Variants in MYO5C observed in about 807,000 individuals in gnomAD.
MYO5C encodes myosin VC.
In MYO5C, 194 loss-of-function variants were observed where a neutral mutation model predicts 235.7. The ratio of observed to expected loss-of-function variants is 0.82; its 90% CI spans 0.73 to 0.93. The LOEUF (loss-of-function observed/expected upper bound fraction) is 0.93, where lower values mean the gene tolerates loss of function less well. Among genes scored for constraint, MYO5C ranks in the 40% least tolerant of loss-of-function variants. MYO5C has a pLI of 0.00. For synonymous variants in MYO5C, 707 were observed against 754.8 expected (o/e 0.94, Z 1.04); for missense variants, 2,038 against 2,127.2 (o/e 0.96, Z 0.82).
chr15:52,237,649 A>G lies in MYO5C; in HGVS notation c.2704-3T>C. 3 of 1,604,152 alleles carry G rather than the reference A, an allele frequency of 1.9e-6. No individual in the cohort carries two copies. Among genetic ancestry groups the G allele is most frequent in the Non-Finnish European group, 2.5e-6 (3 of 1,177,870 alleles). On this transcript the variant is annotated splice_polypyrimidine_tract_variant and splice_region_variant and intron_variant, in intron 21 of 40. Transcript: ENST00000261839. ...ACCAGCCCATGGTTTTCTTTGTTCT[A>G]GAGAAAAGAAAATTCAGATGTTTAG...
At chr15:52,269,129 G>C (rs536900457) in intron 8 of MYO5C, among the ~76,000 whole-genome samples, 13 of 152,332 alleles carry the variant, frequency 8.5e-5, no homozygotes, top group Admixed American at 7.8e-4. Flanking sequence ...CTTCTGAACC[G>C]AATTGGACCT....
intron 10 of MYO5C, among the ~76,000 whole-genome samples, chr15:52,257,492 G>C (rs898788323): frequency 1.3e-5 from 2 of 152,196 alleles, no homozygotes; most frequent in African/African-American, 4.8e-5. Context: ...TCAGAAAACT[G>C]GGACTTTTAA....
intron 25 of MYO5C, among the ~76,000 whole-genome samples, chr15:52,225,760 C>T (rs115543367): frequency 6.4e-4 from 97 of 152,184 alleles, no homozygotes; most frequent in African/African-American, 2.3e-3. Flanking sequence ...GTAGAATTAA[C>T]TTCCCTGGGC....
chr15:52,257,405 T>C (rs915141870), intron 10 of MYO5C, among the ~76,000 whole-genome samples: 1 of 152,232 alleles, frequency 6.6e-6, no homozygotes, highest in Admixed American at 6.5e-5. Context: ...GGGAGGCAGC[T>C]GCTACTCAGC....
At chr15:52,280,385 A>G (rs932062479) in intron 2 of MYO5C, among the ~76,000 whole-genome samples, 6 of 152,244 alleles carry the variant, frequency 3.9e-5, no homozygotes, top group African/African-American at 1.4e-4. Context: ...TTAACCTAGT[A>G]TTCCTAAAGC....
chr15:52,238,055 G>A (rs7183588), intron 21 of MYO5C, among the ~76,000 whole-genome samples: 17,684 of 152,040 alleles, frequency 0.12, 1,948 homozygotes, highest in East Asian at 0.49. Context: ...TAAGATTGGC[G>A]TCCTTAGAAG....
chr15:52,237,837 C>A (rs1211949955), intron 21 of MYO5C, among the ~76,000 whole-genome samples, 191 bp from the exon 22 acceptor site: 1 of 152,184 alleles, frequency 6.6e-6, no homozygotes, highest in African/African-American at 2.4e-5. Flanking sequence ...GCTGGGTACA[C>A]ATCTTCCCAA....
In MYO5C at chr15:52,261,073, T is replaced by C; in HGVS notation, c.1102A>G (p.Arg368Gly). The part of the protein sequence containing the change: ...FCELLGLESG[R>G]VAQWLCNRKI... Reference sequence around the variant, plus strand: ...CGATTGCACAGCCACTGAGCAACTCTGCCACTCTCCAGGCCCAGGAGCTCA... The same window carrying C: ...CGATTGCACAGCCACTGAGCAACTCCGCCACTCTCCAGGCCCAGGAGCTCA... Residue 368 changes from arginine to glycine, a missense_variant, in exon 10 of 41, where the codon AGA becomes GGA. By Grantham distance (125) the Arg-to-Gly change is moderately radical. Coordinates refer to ENST00000261839, the MANE Select transcript of MYO5C (RefSeq NM_018728.4). 1.2e-6 allele frequency: 2 copies of C among 1,614,232 alleles called. No homozygotes were observed. The highest frequency in any genetic ancestry group is 1.7e-6 in the Non-Finnish European group (2 of 1,180,034).
chr15:52,212,937 TTTA>T (rs2035479111), intron 34 of MYO5C, among the ~76,000 whole-genome samples: 1 of 152,186 alleles, frequency 6.6e-6, no homozygotes, highest in Non-Finnish European at 1.5e-5. Flanking sequence ...GGAGATATCT[TTTA>T]TTGTCATCAC....
At position 52,264,191 on chromosome 15, in the gene MYO5C, C is replaced by T; in HGVS notation, c.1046G>A (p.Ser349Asn). The change falls in exon 9 of 41, where the codon AGT becomes AAT. Residue 349 changes from serine to asparagine, a missense_variant and splice_region_variant. Physicochemically the swap from Ser to Asn is conservative, Grantham distance 46. Coordinates refer to ENST00000261839, the MANE Select transcript of MYO5C (RefSeq NM_018728.4). ...AAGTAAAACAAATGAGCATCTCACA[C>T]TAACTGAGGACCTCTCGTTGCCCAC... ...TAVGNERSSV[S>N]EDDSHLKVFC... 1 of 1,607,370 alleles carries T rather than the reference C, an allele frequency of 6.2e-7. No homozygotes were observed. The highest frequency in any genetic ancestry group is 8.5e-7 in the Non-Finnish European group (1 of 1,174,022).
chr15:52,260,443 TGGTGGGAAAAGCAAAAGCAGG>T (rs1282423916), intron 10 of MYO5C, among the ~76,000 whole-genome samples: 11 of 152,208 alleles, frequency 7.2e-5, no homozygotes, highest in Admixed American at 5.9e-4. Flanking sequence ...CAGGGGCCTT[TGGTGGGAAAAGCAAAAGCAGG>T]AGCCTCACAA....
In MYO5C at chr15:52,270,647, T is replaced by TAC. The variant is rs565567717; in HGVS notation, c.833-789_833-788dup. 5.4e-3 allele frequency among the ~76,000 whole-genome samples: 809 copies of TAC among 149,374 alleles called. 8 individuals carry two copies. The highest frequency in any genetic ancestry group is 0.019 in the African/African-American group (755 of 40,742). ...ATAAATGTATGTGTATATATATATA[T>TAC]ACACACATTTATATATGTATATATA... On this transcript the variant is annotated intron_variant, in intron 7 of 40. Transcript: ENST00000261839.
At position 52,239,801 on chromosome 15, in the gene MYO5C, G is replaced by C; in HGVS notation, c.2635C>G (p.Arg879Gly). 1 of 1,613,618 alleles carries C rather than the reference G, an allele frequency of 6.2e-7. No individual in the cohort carries two copies. Among genetic ancestry groups the C allele is most frequent in the Non-Finnish European group, 8.5e-7 (1 of 1,179,790 alleles). ...WLARRRFQSI[R>G]RFVLNIQLTY... is the part of the protein sequence containing the mutation. ...AGCTGAATATTAAGCACGAATCGTCGGATACTCTGGAATCTGCGTCTGGCC... is the reference window on the plus strand; with the variant it reads ...AGCTGAATATTAAGCACGAATCGTCCGATACTCTGGAATCTGCGTCTGGCC... The change falls in exon 21 of 41, where the codon CGA becomes GGA. Residue 879 changes from arginine (R) to glycine (G), a missense_variant. Arg to Gly is a moderately radical substitution (Grantham distance 125). Coordinates refer to ENST00000261839, the MANE Select transcript of MYO5C (RefSeq NM_018728.4).
chr15:52,230,843 T>C (rs1261488032), intron 24 of MYO5C, among the ~76,000 whole-genome samples: 1 of 150,962 alleles, frequency 6.6e-6, no homozygotes, highest in Non-Finnish European at 1.5e-5. Flanking sequence ...TTTTTTTTTT[T>C]TGGAGACAGG....
rs376310581 is a variant in MYO5C, at chr15:52,218,934, C to T, written c.3786-247G>A. 5.6e-3 allele frequency among the ~76,000 whole-genome samples: 851 copies of T among 152,280 alleles called. 6 individuals carry two copies. The highest frequency in any genetic ancestry group is 7.0e-3 in the Non-Finnish European group (476 of 68,028). ...CCCCAATAAGAGTTCCATTCTCCACCCAACCTCAGCCCCACTTACTGTTCC... is the reference window on the plus strand; with the variant it reads ...CCCCAATAAGAGTTCCATTCTCCACTCAACCTCAGCCCCACTTACTGTTCC... On this transcript the variant is annotated intron_variant, in intron 31 of 40. Coordinates refer to ENST00000261839, the MANE Select transcript of MYO5C (RefSeq NM_018728.4).
At chr15:52,278,026 A>G (rs2037089280) in intron 4 of MYO5C, 2 of 449,662 alleles carry the variant, frequency 4.4e-6, no homozygotes, top group African/African-American at 2.0e-5. Context: ...CAGATTTCCC[A>G]TCTGTGAAAT....
intron 39 of MYO5C, among the ~76,000 whole-genome samples, chr15:52,195,691 T>C (rs967754134): frequency 3.2e-4 from 49 of 152,116 alleles, no homozygotes; most frequent in African/African-American, 1.1e-3. Context: ...AGCCCCCTTC[T>C]AGCCTCCCCA....
At chr15:52,267,738 G>C (rs1225897782) in intron 8 of MYO5C, among the ~76,000 whole-genome samples, 1 of 152,126 alleles carries the variant, frequency 6.6e-6, no homozygotes, top group South Asian at 2.1e-4. Flanking sequence ...TACCAATTAG[G>C]ATTTGAATTC....
chr15:52,243,580 G>C, intron 19 of MYO5C: 1 of 152,392 alleles, frequency 6.6e-6, no homozygotes, highest in South Asian at 2.1e-4. Flanking sequence ...TCAGGAAGAA[G>C]TCAGGCTTGC....
Sources: allele counts gnomAD v4.1 joint callset (sites outside exome capture counted in the v4.1 genomes callset), GRCh38; gene constraint gnomAD v4.1.1; transcripts MANE v1.5; gene names NCBI Gene and HGNC (gene_info 2026-07-23, HGNC 2026-07-21).